The following SLC39A11 variants were observed in gnomAD, a reference collection of about 807,000 sequenced individuals.
SLC39A11 encodes the protein zinc transporter ZIP11.
Under a neutral mutation model 36.1 loss-of-function variants are expected in SLC39A11, and 33 were observed. The observed-to-expected ratio is 0.91, with a 90% confidence interval of 0.69 to 1.22. SLC39A11 has a LOEUF of 1.22. SLC39A11 is among the 50% of genes most tolerant of loss of function. SLC39A11 has a pLI of 0.00. For missense variants in SLC39A11, 432 were observed against 430.3 expected, an observed-to-expected ratio of 1.00 and a Z score of -0.03; for synonymous variants, 166 against 170.3, an observed-to-expected ratio of 0.97 and a Z score of 0.20.
In SLC39A11 at chr17:72,981,375, C is replaced by T. The variant is rs188194558; in HGVS notation, c.307-33500G>A. Among the ~76,000 whole-genome samples the T allele has an allele frequency of 5.9e-4, 90 of 152,106 alleles. 1 individual carries two copies. The highest frequency in any genetic ancestry group is 2.0e-3 in the African/African-American group (82 of 41,490). Reference sequence around the variant, plus strand: ...GACTACAAAAATCCAGAAGCAAATACGTAAATACATCTTCTGATTTAGTAA... The same window carrying T: ...GACTACAAAAATCCAGAAGCAAATATGTAAATACATCTTCTGATTTAGTAA... On this transcript the variant is annotated intron_variant, in intron 4 of 9. Coordinates refer to ENST00000255559, the MANE Select transcript of SLC39A11 (RefSeq NM_139177.4).
intron 4 of SLC39A11, among the ~76,000 whole-genome samples, chr17:72,995,517 A>G (rs540499885): frequency 6.6e-6 from 1 of 152,342 alleles, no homozygotes; most frequent in South Asian, 2.1e-4. Flanking sequence ...AGAGATTAGC[A>G]TTTGAATCAG....
chr17:73,010,609 G>A (rs1232270711), intron 4 of SLC39A11, among the ~76,000 whole-genome samples: 2 of 152,140 alleles, frequency 1.3e-5, no homozygotes, highest in African/African-American at 4.8e-5. Flanking sequence ...CAACTTCCCT[G>A]CTCTCCACCT....
chr17:72,764,568 C>T (rs538120481), intron 6 of SLC39A11, among the ~76,000 whole-genome samples: 9 of 152,024 alleles, frequency 5.9e-5, no homozygotes, highest in Non-Finnish European at 1.3e-4. Context: ...CTTTCTGACT[C>T]ATGCAATAAG....
chr17:72,677,031 C>G (rs543203790), intron 7 of SLC39A11, among the ~76,000 whole-genome samples: 16 of 152,350 alleles, frequency 1.1e-4, no homozygotes, highest in African/African-American at 3.6e-4. Context: ...TACATCTCAG[C>G]TGTGACTATG....
chr17:72,661,437 T>C (rs1265995753), intron 7 of SLC39A11, among the ~76,000 whole-genome samples: 2 of 152,134 alleles, frequency 1.3e-5, no homozygotes, highest in Non-Finnish European at 2.9e-5. Context: ...GCCGGTTGAT[T>C]ATGAAAGGAG....
At chr17:72,828,042 C>T (rs987175916) in intron 6 of SLC39A11, among the ~76,000 whole-genome samples, 2 of 152,198 alleles carry the variant, frequency 1.3e-5, no homozygotes, top group Admixed American at 1.3e-4. Flanking sequence ...TAAAGTGGTC[C>T]CATCCACTCA....
chr17:72,864,188 G>A (rs988825796), intron 5 of SLC39A11, among the ~76,000 whole-genome samples: 2 of 152,132 alleles, frequency 1.3e-5, no homozygotes, highest in African/African-American at 4.8e-5. Flanking sequence ...ATTACCTGGA[G>A]ATTTAAAATG....
At position 72,711,067 on chromosome 17, in the gene SLC39A11, G is replaced by A. The variant is rs1025683113; in HGVS notation, c.671+25583C>T. Among the ~76,000 whole-genome samples the A allele has an allele frequency of 3.9e-5, 6 of 152,104 alleles. 1 individual carries two copies. The highest frequency in any genetic ancestry group is 1.4e-4 in the African/African-American group (6 of 41,408). On this transcript the variant is annotated intron_variant, in intron 7 of 9. Coordinates refer to ENST00000255559, the MANE Select transcript of SLC39A11 (RefSeq NM_139177.4). ...AGCATGCAAGGCCTCTGATGATGTG[G>A]GTCCTGCCTACCTTTGCAGCCTCTC...
intron 7 of SLC39A11, among the ~76,000 whole-genome samples, chr17:72,659,448 T>C (rs1417142570): frequency 4.6e-5 from 7 of 152,154 alleles, no homozygotes. Flanking sequence ...AGATGTGAGA[T>C]GATCTGGCGG....
intron 3 of SLC39A11, among the ~76,000 whole-genome samples, chr17:73,070,513 T>C (rs1181133924): frequency 6.6e-6 from 1 of 151,974 alleles, no homozygotes; most frequent in African/African-American, 2.4e-5. Context: ...TTGAAGGGAG[T>C]CTGCTTTTTC....
At chr17:72,703,119 T>C (rs1404859448) in intron 7 of SLC39A11, among the ~76,000 whole-genome samples, 1 of 152,068 alleles carries the variant, frequency 6.6e-6, no homozygotes, top group Non-Finnish European at 1.5e-5. Context: ...TGCCTCTTCC[T>C]CCCACTTGGG....
intron 3 of SLC39A11, among the ~76,000 whole-genome samples, chr17:73,054,122 TG>T (rs1185042454): frequency 6.6e-6 from 1 of 152,134 alleles, no homozygotes; most frequent in East Asian, 1.9e-4. Context: ...CCCAGCACTT[TG>T]GGAGGCCGAG....
intron 4 of SLC39A11, among the ~76,000 whole-genome samples, chr17:72,949,238 C>T (rs185159254): frequency 7.9e-5 from 11 of 138,450 alleles, no homozygotes; most frequent in African/African-American, 2.9e-4. Flanking sequence ...CAGCTCACAG[C>T]AACCTCTGCC....
At chr17:72,996,269 A>C (rs1032731434) in intron 4 of SLC39A11, among the ~76,000 whole-genome samples, 1 of 152,032 alleles carries the variant, frequency 6.6e-6, no homozygotes, top group African/African-American at 2.4e-5. Flanking sequence ...GGCCGCTTGA[A>C]CGTTTGGCCT....
rs931351260 is a variant in SLC39A11, at chr17:73,060,225, A to G, written c.147+24583T>C. 6.6e-5 allele frequency among the ~76,000 whole-genome samples: 10 copies of G among 150,734 alleles called. No individual in the cohort carries two copies. The South Asian group carries it at 2.1e-3, about 31-fold the overall frequency. Reference sequence around the variant, plus strand: ...AACTCCATCTCAAAAAAAAAAAAAAAAAAAAGAAAGAAAAAAGAAAAAAAA... The same window carrying G: ...AACTCCATCTCAAAAAAAAAAAAAAGAAAAAGAAAGAAAAAAGAAAAAAAA... On this transcript the variant is annotated intron_variant, in intron 3 of 9. Transcript: ENST00000255559.
chr17:73,047,990 A>AAAAAAAAAAAATATATATATATATATAT (rs1555693446), intron 3 of SLC39A11, among the ~76,000 whole-genome samples: 1 of 58,700 alleles, frequency 1.7e-5, no homozygotes, highest in Non-Finnish European at 3.0e-5. Flanking sequence ...AAAAAAAAAA[A>AAAAAAAAAAAATATATATATATATATAT]ATATATATAT....
intron 4 of SLC39A11, among the ~76,000 whole-genome samples, chr17:73,011,751 T>A (rs1568121588): frequency 6.7e-6 from 1 of 149,762 alleles, no homozygotes; most frequent in Non-Finnish European, 1.5e-5. Flanking sequence ...AACCTTCGCC[T>A]CCTAGGTTCA....
chr17:73,008,193 C>T (rs2090301686), intron 4 of SLC39A11, among the ~76,000 whole-genome samples: 1 of 123,138 alleles, frequency 8.1e-6, no homozygotes, highest in African/African-American at 2.9e-5. Flanking sequence ...TGGGGTCTTA[C>T]TAAATGGTCC....
At chr17:72,782,254 C>G (rs73352996) in intron 6 of SLC39A11, among the ~76,000 whole-genome samples, 5,593 of 152,144 alleles carry the variant, frequency 0.037, 318 homozygotes, top group African/African-American at 0.12. Flanking sequence ...TGCTGCACCC[C>G]CAGAAGCTGG....
Sources: allele counts gnomAD v4.1 joint callset (sites outside exome capture counted in the v4.1 genomes callset), GRCh38; gene constraint gnomAD v4.1.1; transcripts MANE v1.5; gene names NCBI Gene and HGNC (gene_info 2026-07-23, HGNC 2026-07-21).